Variants in ULK4 observed in about 807,000 individuals in gnomAD.
ULK4 encodes unc-51 like kinase 4, also known as inactive serine/threonine-protein kinase ULK4.
ULK4 carries 133 observed loss-of-function variants against 160.6 expected under a neutral mutation model. That is an observed-to-expected ratio of 0.83 (90% CI 0.72 to 0.96). The LOEUF is 0.96. Ranked by LOEUF, ULK4 falls within the 40% of genes least tolerant of loss-of-function variation. The probability of loss-of-function intolerance (pLI) is 0.00; values close to 1 mark genes in which losing one functional copy is unlikely to be tolerated. For missense variants in ULK4, 1,580 were observed against 1,499.5 expected (o/e 1.05, Z -0.89); for synonymous variants, 534 against 539.8 (o/e 0.99, Z 0.15).
intron 27 of ULK4, among the ~76,000 whole-genome samples, chr3:41,690,747 C>G (rs1250130903): frequency 6.6e-6 from 1 of 151,916 alleles, no homozygotes; most frequent in Non-Finnish European, 1.5e-5. Flanking sequence ...CCATCCATGG[C>G]CTCATAGTTA....
intron 17 of ULK4, among the ~76,000 whole-genome samples, chr3:41,841,537 C>T (rs536178787): frequency 4.0e-5 from 6 of 151,188 alleles, no homozygotes; most frequent in African/African-American, 1.2e-4. Context: ...AGCCGCCCTT[C>T]GTCTGGGAGG....
chr3:41,891,973 A>G (rs949987615), intron 16 of ULK4, among the ~76,000 whole-genome samples: 1 of 152,210 alleles, frequency 6.6e-6, no homozygotes, highest in Non-Finnish European at 1.5e-5. Context: ...CAGCAAAGAA[A>G]CAGGAAAACT....
chr3:41,314,553 T>C (rs1360364910), intron 35 of ULK4, among the ~76,000 whole-genome samples: 2 of 152,266 alleles, frequency 1.3e-5, no homozygotes, highest in African/African-American at 4.8e-5. Flanking sequence ...CAGTTCTAAA[T>C]GTTTTCTATT....
intron 32 of ULK4, among the ~76,000 whole-genome samples, chr3:41,559,838 T>C (rs997524604): frequency 6.6e-6 from 1 of 152,188 alleles, no homozygotes; most frequent in Non-Finnish European, 1.5e-5. Flanking sequence ...TTCACACTGA[T>C]GGTAGTTTCT....
chr3:41,910,675 T>C (rs548018821), intron 11 of ULK4, among the ~76,000 whole-genome samples: 1 of 152,260 alleles, frequency 6.6e-6, no homozygotes, highest in South Asian at 2.1e-4. Context: ...TGTAAGTATT[T>C]ATCCAAATAA....
chr3:41,618,672 AC>A (rs958996091), intron 30 of ULK4, among the ~76,000 whole-genome samples: 3 of 152,226 alleles, frequency 2.0e-5, no homozygotes, highest in African/African-American at 7.2e-5. Flanking sequence ...GCAAAAACAC[AC>A]CAAAATATAA....
chr3:41,505,026 C>G (rs571442230), intron 32 of ULK4, among the ~76,000 whole-genome samples: 1 of 152,224 alleles, frequency 6.6e-6, no homozygotes, highest in South Asian at 2.1e-4. Flanking sequence ...TAGGTGTGCA[C>G]GGTCACACTG....
chr3:41,275,653 G>A (rs996863446), intron 35 of ULK4, among the ~76,000 whole-genome samples: 5 of 152,210 alleles, frequency 3.3e-5, no homozygotes, highest in Non-Finnish European at 5.9e-5. Context: ...GGCATTCAGA[G>A]CAAACTTTTT....
chr3:41,431,661 G>A (rs1490366675), intron 34 of ULK4, among the ~76,000 whole-genome samples: 2 of 149,926 alleles, frequency 1.3e-5, no homozygotes, highest in Non-Finnish European at 3.0e-5. Flanking sequence ...GTTCAGAGGT[G>A]ACCCAACTGA....
At position 41,776,496 on chromosome 3, in the gene ULK4, AC is replaced by A. The variant is rs377458214; in HGVS notation, c.2193+13164del. Among the ~76,000 whole-genome samples the A allele has an allele frequency of 8.3e-4, 125 of 151,112 alleles. 10 individuals are homozygous for A. Among genetic ancestry groups the A allele is most frequent in the African/African-American group, 3.1e-3 (125 of 40,382 alleles). Reference sequence around the variant, plus strand: ...TTGAATAAAAATGTGGTACAGTCACACTACAAAGTACTAATTTCAAAAAAGA... The same window carrying A: ...TTGAATAAAAATGTGGTACAGTCACATACAAAGTACTAATTTCAAAAAAGA... On this transcript the variant is annotated intron_variant, in intron 21 of 36. Coordinates refer to ENST00000301831, the MANE Select transcript of ULK4 (RefSeq NM_017886.4).
intron 8 of ULK4, among the ~76,000 whole-genome samples, chr3:41,914,488 T>C (rs1025607388): frequency 7.9e-5 from 12 of 152,228 alleles, no homozygotes; most frequent in African/African-American, 2.7e-4. Flanking sequence ...AATCAGCACA[T>C]GTTCCTAGAA....
intron 35 of ULK4, among the ~76,000 whole-genome samples, chr3:41,327,002 G>C (rs1443355075): frequency 6.6e-6 from 1 of 152,198 alleles, no homozygotes; most frequent in Non-Finnish European, 1.5e-5. Flanking sequence ...TATAAAACAG[G>C]TCAGTACCTG....
intron 19 of ULK4, among the ~76,000 whole-genome samples, chr3:41,804,247 C>G (rs1341967512): frequency 1.3e-5 from 2 of 152,076 alleles, no homozygotes; most frequent in African/African-American, 2.4e-5. Context: ...TGATGGTGAG[C>G]ATTTTTTCAT....
chr3:41,590,001 GT>G (rs1183165205), intron 31 of ULK4, among the ~76,000 whole-genome samples: 1 of 151,096 alleles, frequency 6.6e-6, no homozygotes. Flanking sequence ...CAAATGCAAG[GT>G]TTTTTTTGTT....
chr3:41,282,785 C>A (rs2079384326), intron 35 of ULK4, among the ~76,000 whole-genome samples: 1 of 152,066 alleles, frequency 6.6e-6, no homozygotes, highest in African/African-American at 2.4e-5. Flanking sequence ...GCAACAAAAG[C>A]CAAAATTGAC....
At chr3:41,621,120 C>A (rs1286337485) in intron 30 of ULK4, among the ~76,000 whole-genome samples, 1 of 152,084 alleles carries the variant, frequency 6.6e-6, no homozygotes, top group Non-Finnish European at 1.5e-5. Context: ...AGAGAGGACA[C>A]AAACAAATGG....
At chr3:41,363,292 AG>A (rs1575469891) in intron 35 of ULK4, among the ~76,000 whole-genome samples, 1 of 152,342 alleles carries the variant, frequency 6.6e-6, no homozygotes, top group East Asian at 1.9e-4. Context: ...CAAGACTTTG[AG>A]GGAGGCCAGA....
intron 17 of ULK4, among the ~76,000 whole-genome samples, chr3:41,844,778 T>C (rs2042023463): frequency 8.1e-6 from 1 of 123,550 alleles, no homozygotes; most frequent in Non-Finnish European, 1.7e-5. Flanking sequence ...CGGAAAACTT[T>C]GGAGGTTTTT....
intron 35 of ULK4, among the ~76,000 whole-genome samples, chr3:41,272,343 GTTTTTT>G (rs3038324): frequency 0.18 from 17,223 of 95,964 alleles, 949 homozygotes; most frequent in African/African-American, 0.28. Context: ...AATTTTGAAA[GTTTTTT>G]TTTTTTTTTT....
Sources: gnomAD v4.1 joint callset for allele counts (sites outside exome capture counted in the v4.1 genomes callset) on GRCh38, gnomAD v4.1.1 for gene constraint, MANE v1.5 for transcripts, NCBI Gene and HGNC (gene_info 2026-07-23, HGNC 2026-07-21) for gene names.